CRACD: variants seen among roughly 807,000 people sequenced by gnomAD.
CRACD encodes the protein capping protein-inhibiting regulator of actin dynamics.
CRACD carries 56 observed loss-of-function variants against 106.8 expected under a neutral mutation model. The ratio of observed to expected loss-of-function variants is 0.52; its 90% CI spans 0.42 to 0.66. The LOEUF is 0.66. Among genes scored for constraint, CRACD ranks in the 30% least tolerant of loss-of-function variants. CRACD has a pLI of 0.00. For synonymous variants in CRACD, 754 were observed against 670.8 expected (o/e 1.12, Z -1.92); for missense variants, 1,730 against 1,623.2 (o/e 1.07, Z -1.13).
At chr4:56,300,238 A>C (rs985620231) in intron 4 of CRACD, among the ~76,000 whole-genome samples, 8 of 152,218 alleles carry the variant, frequency 5.3e-5, no homozygotes, top group Non-Finnish European at 1.0e-4. Flanking sequence ...CACATATTCC[A>C]CATAACACCC....
intron 1 of CRACD, among the ~76,000 whole-genome samples, chr4:56,071,909 T>C (rs984429333): frequency 2.0e-5 from 3 of 151,624 alleles, no homozygotes; most frequent in Non-Finnish European, 4.4e-5. Context: ...GGGCGGATCA[T>C]GAGGTCAGGA....
intron 1 of CRACD, among the ~76,000 whole-genome samples, chr4:56,064,772 A>G (rs1428934711): frequency 1.3e-5 from 2 of 152,130 alleles, no homozygotes; most frequent in Admixed American, 1.3e-4. Flanking sequence ...TAACTTTTAA[A>G]TTCTCTACTA....
chr4:56,274,841 T>C (rs565425307), intron 3 of CRACD, among the ~76,000 whole-genome samples: 106 of 152,318 alleles, frequency 7.0e-4, no homozygotes, highest in African/African-American at 2.5e-3. Context: ...CAAATGTTCA[T>C]TGCAGCACTG....
Position 56,185,049 on chromosome 4 carries a change from T to C in CRACD, c.-189+5619T>C, listed in dbSNP as rs111709419. On this transcript the variant is annotated intron_variant, in intron 2 of 10. Transcript: ENST00000682029. ...TCAGCTCACTGGAAGCTCCGCCTCC[T>C]GGGTTCACGCCATTCTCCTGCCTCA... Among the ~76,000 whole-genome samples the C allele has an allele frequency of 4.1e-3, 625 of 152,278 alleles. 11 individuals carry two copies. Among genetic ancestry groups the C allele is most frequent in the African/African-American group, 0.014 (578 of 41,552 alleles).
intron 1 of CRACD, among the ~76,000 whole-genome samples, chr4:56,148,381 G>T (rs1735468678): frequency 6.6e-6 from 1 of 151,868 alleles, no homozygotes; most frequent in South Asian, 2.1e-4. Context: ...CCTCAAACTT[G>T]TGGGGCTCAA....
chr4:56,091,910 C>A (rs1156473895), intron 1 of CRACD, among the ~76,000 whole-genome samples: 1 of 152,118 alleles, frequency 6.6e-6, no homozygotes, highest in South Asian at 2.1e-4. Context: ...AGAAAAGGAT[C>A]TGCTGTTATG....
chr4:56,302,393 A>C (rs1391653534), intron 4 of CRACD, among the ~76,000 whole-genome samples: 1 of 152,186 alleles, frequency 6.6e-6, no homozygotes, highest in Non-Finnish European at 1.5e-5. Flanking sequence ...GGCTGCAGGT[A>C]ATTGTTAGGA....
In CRACD at chr4:56,315,690, G is replaced by C; in HGVS notation, c.2188G>C (p.Asp730His). Residue 730 changes from aspartate (D) to histidine (H), a missense_variant, in exon 8 of 11, where the codon GAT becomes CAT. By Grantham distance (81) the Asp-to-His change is moderately conservative. Coordinates refer to ENST00000682029, the MANE Select transcript of CRACD (RefSeq NM_001393381.1). This position sits in a 1 kb window ranked among gnomAD's most constrained non-coding sequence, Gnocchi z 4.1. ...TATGCCTGCCTGGCAGAAATTTTCC[G>C]ATGGTGGCACGGAGACCTCCAAACA... is the stretch of plus-strand genomic sequence containing the variant. ...SIMPAWQKFS[D>H]GGTETSKQST... The C allele has an allele frequency of 6.2e-7, 1 of 1,614,192 alleles. No homozygotes were observed. The highest frequency in any genetic ancestry group is 2.2e-5 in the East Asian group (1 of 44,870).
chr4:56,049,677 A>G (rs2109772515), intron 1 of CRACD, among the ~76,000 whole-genome samples: 1 of 151,832 alleles, frequency 6.6e-6, no homozygotes, highest in South Asian at 2.1e-4. Context: ...CCAGAACCAG[A>G]CCTCACCGTC....
rs750265331 is a variant in CRACD at position 56,310,659 on chromosome 4, G to T, written c.286-7G>T. The T allele has an allele frequency of 1.4e-5, 22 of 1,602,682 alleles. No homozygotes were observed. Among genetic ancestry groups the T allele is most frequent in the Non-Finnish European group, 1.7e-5 (20 of 1,169,802 alleles). On this transcript the variant is annotated splice_polypyrimidine_tract_variant and splice_region_variant and intron_variant, in intron 5 of 10. Coordinates refer to ENST00000682029, the MANE Select transcript of CRACD (RefSeq NM_001393381.1). ...CCTTTGACTTGAATGCTCTCTTACT[G>T]TTCCAGTCCAGTGATACGCCAAGTT...
Position 56,315,056 on chromosome 4 carries a change from G to C in CRACD, c.1554G>C (p.Lys518Asn), listed in dbSNP as rs570190221. 6.2e-7 allele frequency: 1 copy of C among 1,608,784 alleles called. No homozygotes were observed. Among genetic ancestry groups the C allele is most frequent in the Non-Finnish European group, 8.5e-7 (1 of 1,178,416 alleles). Residue 518 changes from lysine (K) to asparagine (N), a missense_variant, in exon 8 of 11, where the codon AAG (lysine) becomes AAC (asparagine). Lys to Asn is a moderately conservative substitution (Grantham distance 94). Coordinates refer to ENST00000682029, the MANE Select transcript of CRACD (RefSeq NM_001393381.1). The surrounding 1 kb of genome is among the most constrained non-coding windows in gnomAD (Gnocchi z 4.1). Reference protein sequence around the residue: ...KEAAALEQGRKVEELRWQEVD... With the variant: ...KEAAALEQGRNVEELRWQEVD... ...CCGCCGCCCTTGAACAAGGCCGCAA[G>C]GTGGAGGAGCTGCGGTGGCAGGAGG...
chr4:56,212,524 C>T (rs1241453528), intron 2 of CRACD, among the ~76,000 whole-genome samples: 1 of 152,214 alleles, frequency 6.6e-6, no homozygotes, highest in Non-Finnish European at 1.5e-5. Flanking sequence ...AGCACCTTCT[C>T]TTGGGGTCTG....
chr4:56,080,223 G>C (rs1478001155), intron 1 of CRACD, among the ~76,000 whole-genome samples: 1 of 151,918 alleles, frequency 6.6e-6, no homozygotes, highest in African/African-American at 2.4e-5. Flanking sequence ...TTTAAAAAAC[G>C]GTGGTAAAAA....
chr4:56,303,427 T>C (rs1223683203), intron 4 of CRACD, among the ~76,000 whole-genome samples: 1 of 150,402 alleles, frequency 6.6e-6, no homozygotes, highest in Non-Finnish European at 1.5e-5. Flanking sequence ...TTTATCTCTC[T>C]GAAAACTTAA....
At chr4:56,049,861 G>A (rs1479319009) in intron 1 of CRACD, 2 of 152,220 alleles carry the variant, frequency 1.3e-5, no homozygotes, top group Admixed American at 6.5e-5. Context: ...ACCAAGGGCC[G>A]GGGCCAGGAG....
At chr4:56,126,351 C>G (rs1463486615) in intron 1 of CRACD, among the ~76,000 whole-genome samples, 1 of 152,116 alleles carries the variant, frequency 6.6e-6, no homozygotes, top group African/African-American at 2.4e-5. Context: ...TATATGTGGT[C>G]CTAAGTCTCC....
chr4:56,284,135 A>G (rs114327734), intron 3 of CRACD, among the ~76,000 whole-genome samples: 1,962 of 152,004 alleles, frequency 0.013, 39 homozygotes, highest in African/African-American at 0.045. Flanking sequence ...AACTCACCCT[A>G]CAGTAGTAAT....
intron 5 of CRACD, 140 bp downstream of exon 5, chr4:56,307,839 C>T (rs1744842222): frequency 1.3e-6 from 1 of 768,300 alleles, no homozygotes. Flanking sequence ...AGGGCACTTC[C>T]TGGTAGGTGT....
At chr4:56,128,221 T>C (rs965379186) in intron 1 of CRACD, among the ~76,000 whole-genome samples, 2 of 152,294 alleles carry the variant, frequency 1.3e-5, no homozygotes, top group East Asian at 3.9e-4. Context: ...AACCTGGGAA[T>C]GATTTTAACC....
Sources: gnomAD v4.1 joint callset for allele counts (sites outside exome capture counted in the v4.1 genomes callset) on GRCh38, gnomAD v4.1.1 for gene constraint, Gnocchi (gnomAD v3.1) non-coding constraint, MANE v1.5 for transcripts, NCBI Gene and HGNC (gene_info 2026-07-23, HGNC 2026-07-21) for gene names.